Variants in IGF1R observed in about 807,000 individuals in gnomAD.
IGF1R encodes the protein insulin like growth factor 1 receptor.
A neutral mutation model predicts 144.6 loss-of-function variants in IGF1R; 44 were observed. The observed-to-expected ratio is 0.30, with a 90% CI of 0.24 to 0.39. The LOEUF (loss-of-function observed/expected upper bound fraction) is 0.39, where lower values mean the gene tolerates loss of function less well. Among genes scored for constraint, IGF1R ranks in the 10% least tolerant of loss-of-function variants. IGF1R has a pLI of 1.00. For synonymous variants in IGF1R, 795 were observed against 722.8 expected, an observed-to-expected ratio of 1.10 and a Z score of -1.60; for missense variants, 1,355 against 1,833.7, an observed-to-expected ratio of 0.74 and a Z score of 4.77.
At chr15:98,931,188 C>A (rs2015926249) in intron 15 of IGF1R, among the ~76,000 whole-genome samples, 1 of 152,218 alleles carries the variant, frequency 6.6e-6, no homozygotes, top group East Asian at 1.9e-4. Flanking sequence ...GCTGTGAGGT[C>A]CCCCGGGCAG....
chr15:98,710,556 A>C (rs1224623568), intron 2 of IGF1R, among the ~76,000 whole-genome samples: 2 of 152,164 alleles, frequency 1.3e-5, no homozygotes, highest in African/African-American at 4.8e-5. Flanking sequence ...AACTCTGTAC[A>C]CCATTTCATT....
chr15:98,812,115 T>A (rs371430772), intron 2 of IGF1R, among the ~76,000 whole-genome samples: 14 of 152,316 alleles, frequency 9.2e-5, no homozygotes, highest in African/African-American at 3.4e-4. Flanking sequence ...TCGTTGAGAT[T>A]TAAAAAGCCC....
chr15:98,692,874 G>C (rs1574014), intron 1 of IGF1R, among the ~76,000 whole-genome samples: 19,609 of 152,094 alleles, frequency 0.13, 2,502 homozygotes, highest in African/African-American at 0.33. Flanking sequence ...CCCCGCCCTA[G>C]ATAGTAGGGG....
At chr15:98,893,133 G>A (rs890575661) in intron 3 of IGF1R, among the ~76,000 whole-genome samples, 9 of 152,146 alleles carry the variant, frequency 5.9e-5, no homozygotes, top group South Asian at 2.1e-4. Flanking sequence ...TAAAAATATC[G>A]TTAGAAAAGT....
intron 1 of IGF1R, among the ~76,000 whole-genome samples, chr15:98,667,498 G>A (rs1369122244): frequency 6.6e-6 from 1 of 152,250 alleles, no homozygotes; most frequent in Non-Finnish European, 1.5e-5. Context: ...GGGACGCGCT[G>A]CTAGAGACCA....
chr15:98,840,828 G>A lies in IGF1R; in HGVS notation c.641-50497G>A, dbSNP rs138617898. Among the ~76,000 whole-genome samples, 933 of 152,098 alleles carry A rather than the reference G, an allele frequency of 6.1e-3. 10 individuals carry two copies. The highest frequency in any genetic ancestry group is 0.021 in the African/African-American group (876 of 41,500). On this transcript the variant is annotated intron_variant, in intron 2 of 20. Transcript: ENST00000650285. ...GTAGACTAGCTGGGATTACAGCTGC[G>A]TGCCACCACGCCTGGCTAACTTTTG... is the stretch of plus-strand genomic sequence containing the variant.
chr15:98,667,411 C>T (rs1029013333), intron 1 of IGF1R, among the ~76,000 whole-genome samples: 2 of 152,112 alleles, frequency 1.3e-5, no homozygotes, highest in Non-Finnish European at 2.9e-5. Context: ...AGGGATTGAC[C>T]TCTGCAGGCA....
In IGF1R at chr15:98,708,036, C is replaced by T. The variant is rs760481311; in HGVS notation, c.569C>T (p.Pro190Leu). The T allele has an allele frequency of 7.4e-6, 12 of 1,613,888 alleles. No homozygotes were observed. The highest frequency in any genetic ancestry group is 4.0e-5 in the African/African-American group (3 of 74,884). Residue 190 changes from proline to leucine, a missense_variant, in exon 2 of 21, where the codon CCG becomes CTG. Coordinates refer to ENST00000650285, the MANE Select transcript of IGF1R (RefSeq NM_000875.5). Reference sequence around the variant, plus strand: ...TGTCCAGGGACCATGGAGGAGAAGCCGATGTGTGAGAAGACCACCATCAAC... The same window carrying T: ...TGTCCAGGGACCATGGAGGAGAAGCTGATGTGTGAGAAGACCACCATCAAC... ...DLCPGTMEEK[P>L]MCEKTTINNE...
chr15:98,734,271 T>C (rs921042415), intron 2 of IGF1R, among the ~76,000 whole-genome samples: 1 of 152,196 alleles, frequency 6.6e-6, no homozygotes, highest in Non-Finnish European at 1.5e-5. Context: ...CCTGAAGCCA[T>C]AGGACATGCC....
At chr15:98,729,314 AT>A (rs2054441848) in intron 2 of IGF1R, among the ~76,000 whole-genome samples, 1 of 152,228 alleles carries the variant, frequency 6.6e-6, no homozygotes, top group South Asian at 2.1e-4. Flanking sequence ...TGGTTCAATC[AT>A]TAAGAAGTTT....
At chr15:98,670,108 G>C (rs914200812) in intron 1 of IGF1R, among the ~76,000 whole-genome samples, 1 of 152,168 alleles carries the variant, frequency 6.6e-6, no homozygotes, top group African/African-American at 2.4e-5. Context: ...GGTATGTGAG[G>C]TGTGTAAAAT....
At chr15:98,944,821 C>T (rs999781545) in intron 19 of IGF1R, among the ~76,000 whole-genome samples, 7 of 152,264 alleles carry the variant, frequency 4.6e-5, no homozygotes, top group African/African-American at 1.4e-4. Context: ...AAAGGCAGGC[C>T]AGCCTCATGC....
intron 2 of IGF1R, among the ~76,000 whole-genome samples, chr15:98,819,456 G>C (rs573007015): frequency 4.9e-4 from 74 of 152,252 alleles, no homozygotes; most frequent in African/African-American, 1.7e-3. Context: ...TTATAAAAGA[G>C]AGCTGCTTTG....
chr15:98,713,488 G>T (rs562763080), intron 2 of IGF1R, among the ~76,000 whole-genome samples: 1 of 152,156 alleles, frequency 6.6e-6, no homozygotes, highest in Admixed American at 6.5e-5. Context: ...CCACTATGGC[G>T]GGTAGCTCTT....
intron 5 of IGF1R, among the ~76,000 whole-genome samples, chr15:98,899,884 A>C (rs2014393091): frequency 6.6e-6 from 1 of 152,104 alleles, no homozygotes; most frequent in Non-Finnish European, 1.5e-5. Context: ...TCTGACTGTG[A>C]CCAGTGAGAC....
intron 2 of IGF1R, among the ~76,000 whole-genome samples, chr15:98,755,359 T>C (rs968997650): frequency 2.0e-5 from 3 of 152,188 alleles, no homozygotes; most frequent in Admixed American, 6.5e-5. Flanking sequence ...TTCTTGTTTT[T>C]TCTTTCTCTG....
chr15:98,719,461 A>AG (rs1422657815), intron 2 of IGF1R, among the ~76,000 whole-genome samples: 1 of 152,090 alleles, frequency 6.6e-6, no homozygotes, highest in African/African-American at 2.4e-5. Context: ...TTGTTTGCTG[A>AG]GGGGGGAAAA....
intron 2 of IGF1R, among the ~76,000 whole-genome samples, chr15:98,859,129 A>C (rs2141579339): frequency 6.6e-6 from 1 of 152,202 alleles, no homozygotes; most frequent in South Asian, 2.1e-4. Flanking sequence ...AAACACATCC[A>C]GTTTGAGCTC....
intron 2 of IGF1R, among the ~76,000 whole-genome samples, chr15:98,713,788 A>G (rs1488596894): frequency 1.3e-5 from 2 of 152,174 alleles, no homozygotes; most frequent in South Asian, 4.1e-4. Flanking sequence ...AAAAACCCCA[A>G]CAAAACCTAA....
Sources: allele counts gnomAD v4.1 joint callset (sites outside exome capture counted in the v4.1 genomes callset), GRCh38; gene constraint gnomAD v4.1.1; transcripts MANE v1.5; gene names NCBI Gene and HGNC (gene_info 2026-07-23, HGNC 2026-07-21).